PDE6B: variants seen among roughly 807,000 people sequenced by gnomAD.
PDE6B encodes rod cGMP-specific 3',5'-cyclic phosphodiesterase subunit beta.
PDE6B carries 106 observed loss-of-function variants against 109.0 expected under a neutral mutation model. That is an observed-to-expected ratio of 0.97 (90% CI 0.83 to 1.14). The LOEUF (loss-of-function observed/expected upper bound fraction) is 1.14, where lower values mean the gene tolerates loss of function less well. PDE6B is among the 50% of genes most tolerant of loss of function. The pLI, the probability that PDE6B is intolerant of heterozygous loss-of-function variation, is 0.00. For missense variants in PDE6B, 1,193 were observed against 1,155.6 expected, an observed-to-expected ratio of 1.03 and a Z score of -0.47; for synonymous variants, 490 against 471.3, an observed-to-expected ratio of 1.04 and a Z score of -0.51.
At chr4:653,755 C>T (rs1735823412) in intron 3 of PDE6B, 97 bp from the exon 4 acceptor site, 6 of 1,343,124 alleles carry the variant, frequency 4.5e-6, no homozygotes, top group Non-Finnish European at 6.4e-6. Context: ...TCAGGGAGCG[C>T]ACCTGTGTCA....
At chr4:664,993 T>A in intron 18 of PDE6B, 49 bp downstream of exon 18, 2 of 1,449,894 alleles carry the variant, frequency 1.4e-6, no homozygotes, top group Non-Finnish European at 1.9e-6. Flanking sequence ...TCTCAGCACA[T>A]GGGACTGCCG....
intron 7 of PDE6B, 67 bp from the exon 8 acceptor site, chr4:656,178 G>A: frequency 8.4e-7 from 1 of 1,193,036 alleles, no homozygotes; most frequent in African/African-American, 1.5e-5. Flanking sequence ...GGGCCACAGA[G>A]GCCATTTTAG....
chr4:657,211 G>A, intron 9 of PDE6B, 140 bp from the exon 10 acceptor site: 1 of 1,163,798 alleles, frequency 8.6e-7, no homozygotes, highest in Non-Finnish European at 1.3e-6. Flanking sequence ...GAGCACCCGG[G>A]AGACCCCACA....
Position 662,877 on chromosome 4 carries a change from C to T in PDE6B, c.1833-223C>T, listed in dbSNP as rs541527389. ...AAAAAGCTGTGTATGGTGGCGCACA[C>T]CTGTGGTCCCAGCTACTTAGGAGGC... On this transcript the variant is annotated intron_variant, in intron 14 of 21. Coordinates refer to ENST00000496514, the MANE Select transcript of PDE6B (RefSeq NM_000283.4). The surrounding 1 kb of genome is among the most constrained non-coding windows in gnomAD (Gnocchi z 4.3). Among the ~76,000 whole-genome samples the T allele has an allele frequency of 6.6e-6, 1 of 151,208 alleles. No individual in the cohort carries two copies. The highest frequency in any genetic ancestry group is 6.6e-5 in the Admixed American group (1 of 15,198).
Position 657,492 on chromosome 4 carries a change from C to T in PDE6B, c.1399C>T (p.Leu467=), listed in dbSNP as rs1230039343. The change falls in exon 10 of 22, where the codon CTG becomes TTG. Residue 467 remains leucine, a splice_region_variant and synonymous_variant. Transcript: ENST00000496514. ...KCDRDEIQLI[L]PTRARLGKEP... ...CGACAGGGACGAGATCCAGCTCATCCTGGTGCGGCGGGGCAGGACGTCCAG... is the reference window on the plus strand; with the variant it reads ...CGACAGGGACGAGATCCAGCTCATCTTGGTGCGGCGGGGCAGGACGTCCAG... The T allele has an allele frequency of 1.2e-6, 2 of 1,612,544 alleles. No individual in the cohort carries two copies. Among genetic ancestry groups the T allele is most frequent in the African/African-American group, 1.3e-5 (1 of 74,878 alleles).
rs767707131 is a variant in PDE6B at position 654,883 on chromosome 4, C to A, written c.987C>A (p.Val329=). The change falls in exon 6 of 22, where the codon GTC becomes GTA. Residue 329 remains valine (V), a synonymous_variant. Coordinates refer to ENST00000496514, the MANE Select transcript of PDE6B (RefSeq NM_000283.4). ...YVLHGKEEIK[V]IPTPSADHWA... is the part of the protein sequence containing the mutation. Reference sequence around the variant, plus strand: ...TCCACGGCAAGGAGGAGATCAAGGTCATTCCGTAAGTGCAGGATTTTACCA... The same window carrying A: ...TCCACGGCAAGGAGGAGATCAAGGTAATTCCGTAAGTGCAGGATTTTACCA... The A allele has an allele frequency of 6.5e-7, 1 of 1,528,776 alleles. No individual in the cohort carries two copies. The highest frequency in any genetic ancestry group is 1.1e-5 in the South Asian group (1 of 89,386). The allele number at this position is 1,528,776 out of a possible 1,614,324, so 94.7% of individuals were successfully genotyped here.
chr4:638,575 G>A (rs188197315), intron 3 of PDE6B, among the ~76,000 whole-genome samples: 22 of 152,044 alleles, frequency 1.4e-4, no homozygotes, highest in Admixed American at 9.2e-4. Flanking sequence ...CTCCTGCCTC[G>A]GCCTCCTAAA....
chr4:667,246 A>T (rs1737901663), intron 20 of PDE6B, among the ~76,000 whole-genome samples: 1 of 151,748 alleles, frequency 6.6e-6, no homozygotes, highest in Non-Finnish European at 1.5e-5. Context: ...CGCCCCAAGG[A>T]GGATGCCACG....
At chr4:654,942 C>A (rs1344245474) in intron 6 of PDE6B, 54 bp downstream of exon 6, 2 of 1,027,176 alleles carry the variant, frequency 1.9e-6, no homozygotes, top group Non-Finnish European at 3.1e-6. Context: ...GCCCCTCAGA[C>A]CCCGGCTCAG....
chr4:667,168 C>G (rs530515166), intron 20 of PDE6B, among the ~76,000 whole-genome samples: 1 of 152,122 alleles, frequency 6.6e-6, no homozygotes, highest in African/African-American at 2.4e-5. Context: ...GGGGTCTGAC[C>G]GTGGGGCCCT....
At chr4:658,076 T>C (rs1199161655) in intron 10 of PDE6B, among the ~76,000 whole-genome samples, 10 of 79,650 alleles carry the variant, frequency 1.3e-4, no homozygotes, top group Admixed American at 5.1e-4. Context: ...CAGGGGTCCA[T>C]CCAGGGGTCA....
Position 663,575 on chromosome 4 carries a change from CGAT to C in PDE6B, c.1921-193_1921-191del, listed in dbSNP as rs1416349563. ...TGAGGCCATCTGCGTCCCAAGCCGA[CGAT>C]GGAGCCGCTGGTGGAGAGCTGGGCA... On this transcript the variant is annotated intron_variant, in intron 15 of 21. Transcript: ENST00000496514. The surrounding 1 kb of genome is among the most constrained non-coding windows in gnomAD (Gnocchi z 4.0). The C allele has an allele frequency of 8.0e-6, 5 of 626,866 alleles. No homozygotes were observed. The African/African-American group carries it at 9.1e-5, about 11-fold the overall frequency. 38.8% of individuals were successfully genotyped at this position (626,866 alleles called of 1,614,324 possible).
In PDE6B at chr4:656,569, G is replaced by A. The variant is rs972694283; in HGVS notation, c.1107+277G>A. Among the ~76,000 whole-genome samples the A allele has an allele frequency of 2.0e-5, 3 of 151,746 alleles. No individual in the cohort carries two copies. The South Asian group carries it at 6.3e-4, about 32-fold the overall frequency. ...GGCCCCCACACACCCCTGCGAGGCC[G>A]TGACCGCGGCCCCCACACACCCCTG... is the stretch of plus-strand genomic sequence containing the variant. On this transcript the variant is annotated intron_variant, in intron 8 of 21. Coordinates refer to ENST00000496514, the MANE Select transcript of PDE6B (RefSeq NM_000283.4).
intron 7 of PDE6B, 41 bp from the exon 8 acceptor site, chr4:656,204 C>G (rs749085958): frequency 7.1e-7 from 1 of 1,411,232 alleles, no homozygotes; most frequent in Non-Finnish European, 1.0e-6. Flanking sequence ...AACAGACCTT[C>G]CGCTGTTTTG....
chr4:661,521 C>G (rs933722210), intron 12 of PDE6B: 2 of 154,054 alleles, frequency 1.3e-5, no homozygotes, highest in Non-Finnish European at 2.9e-5. Context: ...TCTCATGCCC[C>G]TCTGAGAACA....
rs575801339 is a variant in PDE6B, at chr4:626,829, G to A, written c.468+735G>A. On this transcript the variant is annotated intron_variant, in intron 1 of 21. Coordinates refer to ENST00000496514, the MANE Select transcript of PDE6B (RefSeq NM_000283.4). The surrounding 1 kb of genome is among the most constrained non-coding windows in gnomAD (Gnocchi z 4.6). ...CGGTCCTGGCGGGACTGGAGAACAA[G>A]AGGGGTGTGAGGTGCCTGCCAGACT... Among the ~76,000 whole-genome samples, 132 of 152,354 alleles carry A rather than the reference G, an allele frequency of 8.7e-4. 1 individual carries two copies. The highest frequency in any genetic ancestry group is 2.9e-3 in the African/African-American group (120 of 41,576).
chr4:626,186 C>T lies in PDE6B; in HGVS notation c.468+92C>T. The stretch of plus-strand genomic sequence containing the variant: ...GGGTCAGCTCGGATCCTCAGGCCTC[C>T]AGGGAGGCCTCTTGTCAGGGCACAG... On this transcript the variant is annotated intron_variant, in intron 1 of 21. Transcript: ENST00000496514. The surrounding 1 kb of genome is among the most constrained non-coding windows in gnomAD (Gnocchi z 4.6). 1.3e-6 allele frequency: 1 copy of T among 787,880 alleles called. No individual in the cohort carries two copies. Among genetic ancestry groups the T allele is most frequent in the Non-Finnish European group, 2.1e-6 (1 of 466,698 alleles). 48.8% of individuals were successfully genotyped at this position (787,880 alleles called of 1,614,324 possible). A position where few individuals can be genotyped will look rare whatever the true frequency, so the allele number is the denominator to read the frequency against.
rs556680491 is a variant in PDE6B at position 654,983 on chromosome 4, C to T, written c.992+95C>T. ...AGGGCCGTCCTCCCAGGGCTTCCCA[C>T]GGTGCAGTCAGCAGCACCGGCCTGG... On this transcript the variant is annotated intron_variant, in intron 6 of 21. Coordinates refer to ENST00000496514, the MANE Select transcript of PDE6B (RefSeq NM_000283.4). 1.2e-4 allele frequency: 97 copies of T among 829,030 alleles called. No individual in the cohort carries two copies. The East Asian group carries it at 1.5e-3, about 13-fold the overall frequency. 51.4% of individuals were successfully genotyped at this position (829,030 alleles called of 1,614,324 possible).
At position 663,934 on chromosome 4, in the gene PDE6B, C is replaced by G. The variant is rs944413576; in HGVS notation, c.2021+64C>G. 7.9e-7 allele frequency: 1 copy of G among 1,259,022 alleles called. No individual in the cohort carries two copies. Among genetic ancestry groups the G allele is most frequent in the South Asian group, 1.3e-5 (1 of 77,338 alleles). The allele number at this position is 1,259,022 out of a possible 1,614,324, so 78.0% of individuals were successfully genotyped here. On this transcript the variant is annotated intron_variant, in intron 16 of 21. Transcript: ENST00000496514. The surrounding 1 kb of genome is among the most constrained non-coding windows in gnomAD (Gnocchi z 4.0). The stretch of plus-strand genomic sequence containing the variant: ...CGGGTAGCCTGGGACCCCCGGCAGA[C>G]ACGGGGGCGCAGCGGCGGCACAGCC...
Sources: gnomAD v4.1 joint callset for allele counts (sites outside exome capture counted in the v4.1 genomes callset) on GRCh38, gnomAD v4.1.1 for gene constraint, Gnocchi (gnomAD v3.1) non-coding constraint, MANE v1.5 for transcripts, NCBI Gene and HGNC (gene_info 2026-07-23, HGNC 2026-07-21) for gene names.